Variants in SYNE2 observed in about 807,000 individuals in gnomAD.
SYNE2 encodes the protein spectrin repeat containing nuclear envelope protein 2.
A neutral mutation model predicts 856.3 loss-of-function variants in SYNE2; 431 were observed. That is an observed-to-expected ratio of 0.50 (90% CI 0.47 to 0.55). The LOEUF (loss-of-function observed/expected upper bound fraction) is 0.55, where lower values mean the gene tolerates loss of function less well. Among genes scored for constraint, SYNE2 ranks in the 20% least tolerant of loss-of-function variants. SYNE2 has a pLI of 0.00. For missense variants in SYNE2, 8,129 were observed against 8,023.2 expected, an observed-to-expected ratio of 1.01 and a Z score of -0.50; for synonymous variants, 2,923 against 2,872.3, an observed-to-expected ratio of 1.02 and a Z score of -0.56.
chr14:64,182,645 C>A (rs934103904), intron 96 of SYNE2, among the ~76,000 whole-genome samples: 2 of 152,160 alleles, frequency 1.3e-5, no homozygotes, highest in African/African-American at 4.8e-5. Flanking sequence ...TCTTGCACCG[C>A]CCTTAATCCA....
chr14:64,062,851 C>T lies in SYNE2; in HGVS notation c.10168C>T (p.Pro3390Ser), dbSNP rs1284357618. The T allele has an allele frequency of 6.2e-7, 1 of 1,614,098 alleles. No individual in the cohort carries two copies. ...TCTTGGACAGTCCATGTCCTCGTTGCCACTGTCTTACAGAGAAGCTTTAGA... is the reference window on the plus strand; with the variant it reads ...TCTTGGACAGTCCATGTCCTCGTTGTCACTGTCTTACAGAGAAGCTTTAGA... ...TVLGQSMSSL[P>S]LSYREALERL... The change falls in exon 50 of 116, where the codon CCA becomes TCA. Residue 3390 changes from proline to serine, a missense_variant. Pro to Ser is a moderately conservative substitution (Grantham distance 74, BLOSUM62 -1). Around this residue, in one of 3 missense-constraint regions of SYNE2, gnomAD observed 5,410 missense variants for 5,284.8 expected, o/e 1.02. Coordinates refer to ENST00000555002, the MANE Select transcript of SYNE2 (RefSeq NM_182914.3).
At position 64,143,910 on chromosome 14, in the gene SYNE2, C is replaced by T. The variant is rs143088941; in HGVS notation, c.15445C>T (p.Arg5149Cys). The T allele has an allele frequency of 2.6e-4, 426 of 1,614,088 alleles. 1 individual carries two copies. The African/African-American group carries it at 3.7e-3, about 14-fold the overall frequency. ...TGCAGAGCACCTGGGGGAGATGAAC[C>T]GCCAGTGGCACCGTGTACATGGAAT... ...EFAEHLGEMN[R>C]QWHRVHGMLN... Residue 5149 changes from arginine to cysteine, a missense_variant, in exon 83 of 116, where the codon CGC becomes TGC. Physicochemically the swap from Arg to Cys is radical, Grantham distance 180 (BLOSUM62 -3). Around this residue, in one of 3 missense-constraint regions of SYNE2, gnomAD observed 5,410 missense variants for 5,284.8 expected, o/e 1.02. Coordinates refer to ENST00000555002, the MANE Select transcript of SYNE2 (RefSeq NM_182914.3).
chr14:64,038,880 G>C (rs1460640767), intron 45 of SYNE2, among the ~76,000 whole-genome samples: 2 of 89,050 alleles, frequency 2.2e-5, no homozygotes, highest in Admixed American at 1.2e-4. Context: ...GGGAGAGGGA[G>C]AGGGAGAGCA....
intron 2 of SYNE2, among the ~76,000 whole-genome samples, chr14:63,912,626 T>C (rs1295704672): frequency 5.9e-5 from 9 of 152,246 alleles, no homozygotes; most frequent in Admixed American, 4.6e-4. Context: ...AATTAACTTA[T>C]AAAGCCTGCT....
chr14:64,126,700 C>T lies in SYNE2; in HGVS notation c.13810C>T (p.Leu4604Phe). 1 of 1,614,162 alleles carries T rather than the reference C, an allele frequency of 6.2e-7. No individual in the cohort carries two copies. The highest frequency in any genetic ancestry group is 8.5e-7 in the Non-Finnish European group (1 of 1,180,034). The change falls in exon 73 of 116, where the codon CTT (leucine) becomes TTT (phenylalanine). Residue 4604 changes from leucine to phenylalanine, a missense_variant. Transcript: ENST00000555002. ...GCCTGGCGAGAACACCAACTTGCTC[C>T]TTGAATGTTTTGACAACCTTCAAGT... The part of the protein sequence containing the change: ...TWPGENTNLL[L>F]ECFDNLQVCL...
intron 1 of SYNE2, among the ~76,000 whole-genome samples, chr14:63,862,286 C>CT (rs1893945944): frequency 6.6e-6 from 1 of 152,184 alleles, no homozygotes; most frequent in Non-Finnish European, 1.5e-5. Flanking sequence ...TAAAAGTATA[C>CT]TTTTTTTGTT....
intron 2 of SYNE2, among the ~76,000 whole-genome samples, chr14:63,935,702 C>G (rs1227360634): frequency 6.6e-6 from 1 of 152,104 alleles, no homozygotes; most frequent in Non-Finnish European, 1.5e-5. Context: ...AATATAACAA[C>G]CACAGTGATA....
intron 89 of SYNE2, among the ~76,000 whole-genome samples, chr14:64,164,071 C>G (rs2098352782): frequency 2.0e-5 from 3 of 151,386 alleles, no homozygotes; most frequent in South Asian, 4.2e-4. Context: ...AGGCACCCAC[C>G]ACCACGCCTG....
intron 1 of SYNE2, among the ~76,000 whole-genome samples, chr14:63,809,831 T>C (rs1888546254): frequency 6.6e-6 from 1 of 151,494 alleles, no homozygotes. Flanking sequence ...ATTGATAATT[T>C]CCTGAAATCA....
In SYNE2 at chr14:64,051,813, A is replaced by G; in HGVS notation, c.7900A>G (p.Lys2634Glu). The change falls in exon 48 of 116, where the codon AAG (lysine) becomes GAG (glutamate). Residue 2634 changes from lysine to glutamate, a missense_variant. Physicochemically the swap from Lys to Glu is moderately conservative, Grantham distance 56. Coordinates refer to ENST00000555002, the MANE Select transcript of SYNE2 (RefSeq NM_182914.3). ...EYDEFTTLMN[K>E]VQDTEISLQQ... ...TGATGAATTTACAACCCTCATGAAT[A>G]AGGTACAGGACACTGAGATTTCTCT... is the stretch of plus-strand genomic sequence containing the variant. The G allele has an allele frequency of 6.2e-7, 1 of 1,614,128 alleles. No homozygotes were observed. The highest frequency in any genetic ancestry group is 8.5e-7 in the Non-Finnish European group (1 of 1,180,022).
At position 63,986,437 on chromosome 14, in the gene SYNE2, G is replaced by T; in HGVS notation, c.2152-19G>T. 8 of 1,613,598 alleles carry T rather than the reference G, an allele frequency of 5.0e-6. No individual in the cohort carries two copies. The highest frequency in any genetic ancestry group is 6.8e-6 in the Non-Finnish European group (8 of 1,179,670). On this transcript the variant is annotated intron_variant, in intron 18 of 115. Transcript: ENST00000555002. Reference sequence around the variant, plus strand: ...TGTACATGCTGACATTTTCTCAGTGGTACTTTTGAATGTTGTAGGCTGGAG... The same window carrying T: ...TGTACATGCTGACATTTTCTCAGTGTTACTTTTGAATGTTGTAGGCTGGAG...
intron 1 of SYNE2, among the ~76,000 whole-genome samples, chr14:63,778,705 G>A (rs1176844489): frequency 6.6e-6 from 1 of 152,092 alleles, no homozygotes; most frequent in Non-Finnish European, 1.5e-5. Context: ...TGTAGAGACA[G>A]GGTTTCACTC....
intron 2 of SYNE2, among the ~76,000 whole-genome samples, chr14:63,922,566 G>T (rs76008256): frequency 0.017 from 2,557 of 152,196 alleles, 65 homozygotes; most frequent in African/African-American, 0.058. Context: ...ACTGTGGGAG[G>T]ATAGCTTGAG....
Position 63,963,932 on chromosome 14 carries a change from C to T in SYNE2, c.922C>T (p.Leu308=), listed in dbSNP as rs756610116. The change falls in exon 10 of 116, where the codon CTG becomes TTG. Residue 308 remains leucine (L), a synonymous_variant. Transcript: ENST00000555002. ...KVKDAMGWLT[L]QKEKLQKLLK... ...GAAAGATGCTATGGGCTGGTTAACT[C>T]TGCAAAAGGAAAAACTACAGAAGTT... The T allele has an allele frequency of 6.2e-7, 1 of 1,612,926 alleles. No individual in the cohort carries two copies. The highest frequency in any genetic ancestry group is 8.5e-7 in the Non-Finnish European group (1 of 1,179,172).
At chr14:63,854,625 G>C (rs1310810339) in intron 1 of SYNE2, among the ~76,000 whole-genome samples, 1 of 152,172 alleles carries the variant, frequency 6.6e-6, no homozygotes, top group Non-Finnish European at 1.5e-5. Flanking sequence ...TTAGGTCTTT[G>C]TCCACATGTT....
chr14:64,016,638 G>A lies in SYNE2; in HGVS notation c.4887+7G>A. On this transcript the variant is annotated splice_region_variant and intron_variant, in intron 33 of 115. Coordinates refer to ENST00000555002, the MANE Select transcript of SYNE2 (RefSeq NM_182914.3). ...TGTGGATAGATGGCTTGATGTAAGT[G>A]ATAATTTCATTGATTGCAAATTTAA... The A allele has an allele frequency of 6.4e-7, 1 of 1,570,078 alleles. No homozygotes were observed. The highest frequency in any genetic ancestry group is 1.7e-5 in the Admixed American group (1 of 58,582).
intron 2 of SYNE2, among the ~76,000 whole-genome samples, chr14:63,927,384 A>G (rs1179400288): frequency 6.6e-6 from 1 of 151,978 alleles, no homozygotes; most frequent in Admixed American, 6.6e-5. Flanking sequence ...CCCATCTGAT[A>G]TGGTTTGGCC....
Position 64,098,733 on chromosome 14 carries a change from G to A in SYNE2, c.12307-14G>A, listed in dbSNP as rs1223185136. ...GCAAGCAGACTGCAGGTATTCTTGT[G>A]CTGTGCCTTTCAGTTGAACAGAAGA... On this transcript the variant is annotated splice_polypyrimidine_tract_variant and intron_variant, in intron 62 of 115. Coordinates refer to ENST00000555002, the MANE Select transcript of SYNE2 (RefSeq NM_182914.3). 2 of 1,613,546 alleles carry A rather than the reference G, an allele frequency of 1.2e-6. No homozygotes were observed. The highest frequency in any genetic ancestry group is 1.3e-5 in the African/African-American group (1 of 74,924).
At chr14:63,977,671 G>T (rs1229254209) in intron 12 of SYNE2, among the ~76,000 whole-genome samples, 1 of 152,088 alleles carries the variant, frequency 6.6e-6, no homozygotes, top group Non-Finnish European at 1.5e-5. Flanking sequence ...GAGGTGAGAG[G>T]ATCCCTTGAA....
Sources: gnomAD v4.1 joint callset for allele counts (sites outside exome capture counted in the v4.1 genomes callset) on GRCh38, gnomAD v4.1.1 for gene constraint, gnomAD v4.1.1 regional missense constraint, MANE v1.5 for transcripts, NCBI Gene and HGNC (gene_info 2026-07-23, HGNC 2026-07-21) for gene names.